Variants in CCSER1 observed in about 807,000 individuals in gnomAD.
The protein encoded by CCSER1 is coiled-coil serine rich protein 1.
A neutral mutation model predicts 82.0 loss-of-function variants in CCSER1; 41 were observed. The ratio of observed to expected loss-of-function variants is 0.50; its 90% CI spans 0.39 to 0.65. The LOEUF is 0.65. CCSER1 is among the 30% of genes least tolerant of loss of function. The probability of loss-of-function intolerance (pLI) is 0.00; values close to 1 mark genes in which losing one functional copy is unlikely to be tolerated. For synonymous variants in CCSER1, 414 were observed against 383.9 expected, an observed-to-expected ratio of 1.08 and a Z score of -0.92; for missense variants, 1,119 against 1,064.2, an observed-to-expected ratio of 1.05 and a Z score of -0.72.
In CCSER1 at chr4:90,493,267, A is replaced by G. The variant is rs1157306313; in HGVS notation, c.1724+24913A>G. ...CTCCAAGAAATATGGAACTATGTGAAAAGACCAAATCTACATCTGATTGTT... is the reference window on the plus strand; with the variant it reads ...CTCCAAGAAATATGGAACTATGTGAGAAGACCAAATCTACATCTGATTGTT... On this transcript the variant is annotated intron_variant, in intron 5 of 10. Transcript: ENST00000509176. Among the ~76,000 whole-genome samples the G allele has an allele frequency of 3.3e-5, 5 of 152,176 alleles. No homozygotes were observed. In the East Asian group the frequency reaches 7.7e-4, roughly 23 times the overall value.
chr4:90,624,126 G>A (rs1430977517), intron 5 of CCSER1, among the ~76,000 whole-genome samples: 1 of 152,136 alleles, frequency 6.6e-6, no homozygotes, highest in Non-Finnish European at 1.5e-5. Flanking sequence ...CTGTTCTTTG[G>A]AAATTTGGTT....
At chr4:90,208,718 C>T (rs1739398332) in intron 1 of CCSER1, among the ~76,000 whole-genome samples, 1 of 152,152 alleles carries the variant, frequency 6.6e-6, no homozygotes, top group South Asian at 2.1e-4. Flanking sequence ...CACTGTTCCT[C>T]ACAGTACAGT....
intron 1 of CCSER1, among the ~76,000 whole-genome samples, chr4:90,271,438 T>G (rs1726256333): frequency 6.6e-6 from 1 of 152,118 alleles, no homozygotes; most frequent in African/African-American, 2.4e-5. Context: ...GATGTCCATA[T>G]GCAGAAGAAT....
chr4:91,522,546 C>T (rs1342771637), intron 10 of CCSER1, among the ~76,000 whole-genome samples: 3 of 152,158 alleles, frequency 2.0e-5, no homozygotes, highest in Non-Finnish European at 4.4e-5. Context: ...TCTTTTATTT[C>T]GTTGAGCAGT....
chr4:90,607,753 T>C (rs548474133), intron 5 of CCSER1, among the ~76,000 whole-genome samples: 4 of 152,286 alleles, frequency 2.6e-5, no homozygotes, highest in African/African-American at 9.6e-5. Flanking sequence ...CTTCAAAATA[T>C]AAATTTTGGG....
chr4:90,529,692 T>C (rs1229191330), intron 5 of CCSER1, among the ~76,000 whole-genome samples: 2 of 152,174 alleles, frequency 1.3e-5, no homozygotes, highest in African/African-American at 2.4e-5. Flanking sequence ...CATTAGCTGT[T>C]TATCAACATT....
At chr4:90,646,130 A>T (rs1251434026) in intron 6 of CCSER1, among the ~76,000 whole-genome samples, 2 of 152,186 alleles carry the variant, frequency 1.3e-5, no homozygotes, top group Non-Finnish European at 2.9e-5. Flanking sequence ...TCTGGACCAC[A>T]GGCCAAAAAA....
chr4:90,646,131 G>A (rs1418794759), intron 6 of CCSER1, among the ~76,000 whole-genome samples: 2 of 151,982 alleles, frequency 1.3e-5, no homozygotes, highest in African/African-American at 4.8e-5. Context: ...CTGGACCACA[G>A]GCCAAAAAAC....
intron 10 of CCSER1, among the ~76,000 whole-genome samples, chr4:91,464,835 G>A (rs183334338): frequency 1.4e-3 from 213 of 152,204 alleles, no homozygotes; most frequent in East Asian, 5.2e-3. Context: ...CCCAATACAG[G>A]AACACCCAGA....
chr4:90,578,826 A>G (rs1214720968), intron 5 of CCSER1, among the ~76,000 whole-genome samples: 1 of 152,152 alleles, frequency 6.6e-6, no homozygotes, highest in Admixed American at 6.6e-5. Flanking sequence ...TCAATAAAAT[A>G]TTTATTAAGT....
intron 8 of CCSER1, among the ~76,000 whole-genome samples, chr4:90,871,679 A>C (rs867284432): frequency 6.6e-6 from 1 of 151,816 alleles, no homozygotes. Flanking sequence ...TATTAGGCCC[A>C]TTTGGTCTAT....
intron 10 of CCSER1, among the ~76,000 whole-genome samples, chr4:91,538,708 T>TATATATATATATATATATATATAA (rs1761437893): frequency 3.7e-5 from 1 of 27,006 alleles, no homozygotes; most frequent in Non-Finnish European, 7.1e-5. Context: ...CATATATATA[T>TATATATATATATATATATATATAA]ATAATATCTC....
At chr4:91,416,404 C>A (rs766574072) in intron 10 of CCSER1, among the ~76,000 whole-genome samples, 17 of 151,928 alleles carry the variant, frequency 1.1e-4, no homozygotes, top group Non-Finnish European at 1.9e-4. Flanking sequence ...GAAAGAGAAT[C>A]CTAAGCAAAA....
At chr4:91,462,329 T>C (rs1037270946) in intron 10 of CCSER1, among the ~76,000 whole-genome samples, 2 of 152,206 alleles carry the variant, frequency 1.3e-5, no homozygotes, top group Non-Finnish European at 2.9e-5. Context: ...TCTAAAACTT[T>C]ATATTTTTGA....
chr4:90,153,764 T>C (rs1727402279), intron 1 of CCSER1, among the ~76,000 whole-genome samples: 1 of 152,212 alleles, frequency 6.6e-6, no homozygotes, highest in African/African-American at 2.4e-5. Flanking sequence ...TTGAGTTCAT[T>C]GTAGATTCTG....
At chr4:90,991,374 G>T (rs1452785377) in intron 9 of CCSER1, among the ~76,000 whole-genome samples, 1 of 151,862 alleles carries the variant, frequency 6.6e-6, no homozygotes, top group East Asian at 1.9e-4. Context: ...AGTTCTATTG[G>T]TATCATCAGG....
intron 10 of CCSER1, among the ~76,000 whole-genome samples, chr4:91,163,656 C>A (rs565934722): frequency 1.3e-5 from 2 of 152,084 alleles, no homozygotes; most frequent in Non-Finnish European, 2.9e-5. Context: ...TAGCTCTTCT[C>A]GTTGAATTGA....
At chr4:91,333,764 C>A (rs1327359164) in intron 10 of CCSER1, among the ~76,000 whole-genome samples, 1 of 151,866 alleles carries the variant, frequency 6.6e-6, no homozygotes, top group South Asian at 2.1e-4. Context: ...TTTTAAAAAA[C>A]TGATTAAAGT....
intron 5 of CCSER1, among the ~76,000 whole-genome samples, chr4:90,524,397 G>A (rs1283995865): frequency 6.6e-6 from 1 of 152,172 alleles, no homozygotes; most frequent in Admixed American, 6.5e-5. Context: ...ACAGTGGGAT[G>A]TAGTTTCCAA....
Sources: allele counts gnomAD v4.1 joint callset (sites outside exome capture counted in the v4.1 genomes callset), GRCh38; gene constraint gnomAD v4.1.1; transcripts MANE v1.5; gene names NCBI Gene and HGNC (gene_info 2026-07-23, HGNC 2026-07-21).